ZNF804B: variants seen among roughly 807,000 people sequenced by gnomAD.
ZNF804B encodes zinc finger protein 804B.
A neutral mutation model predicts 101.4 loss-of-function variants in ZNF804B; 80 were observed. The ratio of observed to expected loss-of-function variants is 0.79; its 90% CI spans 0.66 to 0.95. ZNF804B has a LOEUF of 0.95. ZNF804B is among the 40% of genes least tolerant of loss of function. ZNF804B has a pLI of 0.00. For missense variants in ZNF804B, 1,673 were observed against 1,561.9 expected (o/e 1.07, Z -1.20); for synonymous variants, 622 against 558.8 (o/e 1.11, Z -1.59).
intron 1 of ZNF804B, among the ~76,000 whole-genome samples, chr7:89,206,395 T>C (rs1788714813): frequency 6.6e-6 from 1 of 152,216 alleles, no homozygotes; most frequent in African/African-American, 2.4e-5. Flanking sequence ...TTCTGAACTT[T>C]TATGCTTTGC....
intron 1 of ZNF804B, among the ~76,000 whole-genome samples, chr7:89,198,085 AC>A (rs1788581808): frequency 6.6e-6 from 1 of 151,786 alleles, no homozygotes. Context: ...GGATTATTAA[AC>A]CTTTGCAAAT....
At chr7:89,172,213 G>A (rs1001721031) in intron 1 of ZNF804B, among the ~76,000 whole-genome samples, 1 of 152,074 alleles carries the variant, frequency 6.6e-6, no homozygotes, top group African/African-American at 2.4e-5. Context: ...TGAGGATTTA[G>A]AATATGTCAT....
At chr7:88,968,657 G>C (rs1436979947) in intron 1 of ZNF804B, among the ~76,000 whole-genome samples, 8 of 151,516 alleles carry the variant, frequency 5.3e-5, no homozygotes, top group African/African-American at 9.7e-5. Flanking sequence ...GGAAGAATAA[G>C]GTGCATACAT....
intron 2 of ZNF804B, among the ~76,000 whole-genome samples, chr7:89,321,432 T>G (rs1199420628): frequency 6.6e-6 from 1 of 152,084 alleles, no homozygotes; most frequent in Non-Finnish European, 1.5e-5. Flanking sequence ...TGAGCTGAGA[T>G]TGCACCACTG....
chr7:89,294,473 G>T (rs1372884539), intron 2 of ZNF804B, among the ~76,000 whole-genome samples: 1 of 151,844 alleles, frequency 6.6e-6, no homozygotes, highest in Non-Finnish European at 1.5e-5. Flanking sequence ...TTTGTTCAGT[G>T]TTTTTTTCAG....
intron 2 of ZNF804B, among the ~76,000 whole-genome samples, chr7:89,318,925 C>G (rs1181450145): frequency 2.6e-5 from 4 of 152,206 alleles, no homozygotes; most frequent in Non-Finnish European, 5.9e-5. Flanking sequence ...AACAGCAAAC[C>G]AGTCATTAGC....
Position 89,335,705 on chromosome 7 carries a change from C to T in ZNF804B, c.2723C>T (p.Ser908Leu). The T allele has an allele frequency of 1.2e-6, 2 of 1,613,996 alleles. No homozygotes were observed. Among genetic ancestry groups the T allele is most frequent in the Admixed American group, 1.7e-5 (1 of 59,970 alleles). Residue 908 changes from serine (S) to leucine (L), a missense_variant, in exon 4 of 4, where the codon TCA (serine) becomes TTA (leucine). By Grantham distance (145) the Ser-to-Leu change is moderately radical (BLOSUM62 -2). Transcript: ENST00000333190. ...CTAAAGAACTGTTCCAGTGGCCCTTCAGAAACCACAGAATCAAACACTGCA... is the reference window on the plus strand; with the variant it reads ...CTAAAGAACTGTTCCAGTGGCCCTTTAGAAACCACAGAATCAAACACTGCA... The part of the protein sequence containing the change: ...CLLKNCSSGP[S>L]ETTESNTAEG...
intron 1 of ZNF804B, among the ~76,000 whole-genome samples, chr7:89,206,794 A>G (rs2115665204): frequency 6.6e-6 from 1 of 152,220 alleles, no homozygotes; most frequent in East Asian, 1.9e-4. Flanking sequence ...AAAAATGAAT[A>G]CTTTTAACAG....
At chr7:89,279,145 T>C (rs1275141562) in intron 2 of ZNF804B, among the ~76,000 whole-genome samples, 9 of 152,112 alleles carry the variant, frequency 5.9e-5, no homozygotes, top group South Asian at 2.1e-4. Context: ...TGATTTGGCT[T>C]TCTGTTTGTC....
rs1341536414 is a variant in ZNF804B at position 88,978,822 on chromosome 7, C to CCCTG, written c.108+218739_108+218740insCTGC. On this transcript the variant is annotated intron_variant, in intron 1 of 3. Coordinates refer to ENST00000333190, the MANE Select transcript of ZNF804B (RefSeq NM_181646.5). Reference sequence around the variant, plus strand: ...TCCCTGCCTCCCTCCCTCCCTCCCTCCTTCCTTCCTTCTTTCCTTCTTTCC... The same window carrying CCCTG: ...TCCCTGCCTCCCTCCCTCCCTCCCTCCCTGCTTCCTTCCTTCTTTCCTTCTTTCC... Among the ~76,000 whole-genome samples, 2 of 142,288 alleles carry CCCTG rather than the reference C, an allele frequency of 1.4e-5. 1 individual carries two copies. The highest frequency in any genetic ancestry group is 5.2e-5 in the African/African-American group (2 of 38,630). 93.3% of individuals were successfully genotyped at this position (142,288 alleles called of 152,430 possible). A position where few individuals can be genotyped will look rare whatever the true frequency, so the allele number is the denominator to read the frequency against.
At chr7:89,310,461 A>C (rs1790635383) in intron 2 of ZNF804B, among the ~76,000 whole-genome samples, 1 of 152,288 alleles carries the variant, frequency 6.6e-6, no homozygotes, top group Admixed American at 6.5e-5. Flanking sequence ...TAATTTCATT[A>C]ATTTCATGTT....
At chr7:89,245,786 T>C (rs753099261) in intron 2 of ZNF804B, among the ~76,000 whole-genome samples, 2 of 152,036 alleles carry the variant, frequency 1.3e-5, no homozygotes, top group Non-Finnish European at 2.9e-5. Context: ...AAGGAGAACA[T>C]GAGCAAAAAG....
chr7:89,119,726 G>T lies in ZNF804B; in HGVS notation c.109-98429G>T, dbSNP rs533568237. Among the ~76,000 whole-genome samples, 6 of 152,254 alleles carry T rather than the reference G, an allele frequency of 3.9e-5. No individual in the cohort carries two copies. The South Asian group carries it at 1.2e-3, about 32-fold the overall frequency. ...AAAACATAGCACCTGGCTGTGCCCA[G>T]TTACTTAAATCAAGCAAGCTAATAA... On this transcript the variant is annotated intron_variant, in intron 1 of 3. Coordinates refer to ENST00000333190, the MANE Select transcript of ZNF804B (RefSeq NM_181646.5).
At chr7:88,889,435 A>G (rs770532536) in intron 1 of ZNF804B, among the ~76,000 whole-genome samples, 2 of 152,136 alleles carry the variant, frequency 1.3e-5, no homozygotes, top group Non-Finnish European at 2.9e-5. Flanking sequence ...TTGCAGCCTT[A>G]TCAACGTCTG....
chr7:89,070,244 T>C, intron 1 of ZNF804B, among the ~76,000 whole-genome samples: 1 of 152,182 alleles, frequency 6.6e-6, no homozygotes, highest in East Asian at 1.9e-4. Flanking sequence ...ATCAAGATTA[T>C]TATGTTTTGT....
chr7:88,766,544 G>T (rs1172836231), intron 1 of ZNF804B, among the ~76,000 whole-genome samples: 1 of 151,838 alleles, frequency 6.6e-6, no homozygotes, highest in African/African-American at 2.4e-5. Context: ...TTTCTTCTTT[G>T]GCTGGGAGGA....
At chr7:89,202,934 C>T (rs113137746) in intron 1 of ZNF804B, among the ~76,000 whole-genome samples, 3 of 152,158 alleles carry the variant, frequency 2.0e-5, no homozygotes, top group South Asian at 4.2e-4. Context: ...CTACAATAGA[C>T]GTATTGTAGC....
intron 1 of ZNF804B, among the ~76,000 whole-genome samples, chr7:88,927,711 C>T (rs965782685): frequency 1.3e-5 from 2 of 152,054 alleles, no homozygotes; most frequent in African/African-American, 4.8e-5. Flanking sequence ...AGCCCCTTCC[C>T]CAAGTGATCA....
intron 1 of ZNF804B, among the ~76,000 whole-genome samples, chr7:89,115,638 A>G (rs1331588469): frequency 6.6e-6 from 1 of 152,212 alleles, no homozygotes; most frequent in East Asian, 1.9e-4. Context: ...CCTCTTGGAA[A>G]GTCTTATGAA....
Sources: allele counts gnomAD v4.1 joint callset (sites outside exome capture counted in the v4.1 genomes callset), GRCh38; gene constraint gnomAD v4.1.1; transcripts MANE v1.5; gene names NCBI Gene and HGNC (gene_info 2026-07-23, HGNC 2026-07-21).